Variants in ARL5B observed in about 807,000 individuals in gnomAD.
ARL5B encodes the protein ADP-ribosylation factor-like protein 5B.
A neutral mutation model predicts 26.9 loss-of-function variants in ARL5B; 10 were observed. The observed-to-expected ratio is 0.37, with a 90% CI of 0.23 to 0.63. The LOEUF is 0.63. Among genes scored for constraint, ARL5B ranks in the 30% least tolerant of loss-of-function variants. ARL5B has a pLI of 0.62. For synonymous variants in ARL5B, 87 were observed against 70.4 expected, an observed-to-expected ratio of 1.24 and a Z score of -1.18; for missense variants, 167 against 213.9, an observed-to-expected ratio of 0.78 and a Z score of 1.37.
At chr10:18,664,429 CTTTTTTTTTTTTTT>C (rs140830487) in intron 1 of ARL5B, among the ~76,000 whole-genome samples, 3 of 67,224 alleles carry the variant, frequency 4.5e-5, no homozygotes, top group African/African-American at 5.7e-5. Flanking sequence ...ACAGTAGTGT[CTTTTTTTTTTTTTT>C]TTTTTTTTTT....
intron 3 of ARL5B, 78 bp downstream of exon 3, chr10:18,668,755 C>A: frequency 7.6e-7 from 1 of 1,309,392 alleles, no homozygotes; most frequent in Non-Finnish European, 1.0e-6. Flanking sequence ...TGCACCTGGG[C>A]GTATTGACAG....
intron 4 of ARL5B, 71 bp downstream of exon 4, chr10:18,672,776 A>G: frequency 9.5e-7 from 1 of 1,052,862 alleles, no homozygotes. Flanking sequence ...GCTTTTTTGC[A>G]AAGATTAATG....
rs192745238 is a variant in ARL5B at position 18,664,164 on chromosome 10, G to A, written c.47-2411G>A. Among the ~76,000 whole-genome samples the A allele has an allele frequency of 2.3e-3, 345 of 151,852 alleles. 3 individuals are homozygous for A. The highest frequency in any genetic ancestry group is 7.9e-3 in the African/African-American group (327 of 41,392). On this transcript the variant is annotated intron_variant, in intron 1 of 5. Coordinates refer to ENST00000377275, the MANE Select transcript of ARL5B (RefSeq NM_178815.5). ...AGACGGAGTTTCACCAAATTAGCCAGGTTGGTCTTGAACTCCTGACCTTGT... is the reference window on the plus strand; with the variant it reads ...AGACGGAGTTTCACCAAATTAGCCAAGTTGGTCTTGAACTCCTGACCTTGT...
chr10:18,668,689 T>C lies in ARL5B; in HGVS notation c.255+12T>C. The C allele has an allele frequency of 6.2e-7, 1 of 1,610,448 alleles. No individual in the cohort carries two copies. The highest frequency in any genetic ancestry group is 2.2e-5 in the East Asian group (1 of 44,788). ...ACTCAAATACAGAGGTATGCTAAGA[T>C]GAATTTTGAATTTTAATCCAAAGGT... On this transcript the variant is annotated intron_variant, in intron 3 of 5. Transcript: ENST00000377275.
At chr10:18,675,093 C>A (rs999415538) in intron 5 of ARL5B, 75 bp from the exon 6 acceptor site, 10 of 1,394,948 alleles carry the variant, frequency 7.2e-6, no homozygotes, top group Admixed American at 3.6e-5. Flanking sequence ...TTGGTTAAGA[C>A]CTAAAAATAA....
At chr10:18,675,046 C>T (rs2059904322) in intron 5 of ARL5B, 122 bp from the exon 6 acceptor site, 1 of 717,044 alleles carries the variant, frequency 1.4e-6, no homozygotes, top group Admixed American at 2.7e-5. Context: ...TGAATGTTGA[C>T]ACTGATGTAT....
Position 18,674,122 on chromosome 10 carries a change from C to A in ARL5B, c.478C>A (p.Leu160Ile). Residue 160 changes from leucine (L) to isoleucine (I), a missense_variant, in exon 5 of 6, where the codon CTC becomes ATC. Transcript: ENST00000377275. ...HPWHIQSCCA[L>I]TGEGLCQGLE... ...ATGGCACATTCAATCCTGCTGTGCT[C>A]TCACAGGAGAAGGGTAAGTTCATCC... The A allele has an allele frequency of 6.2e-7, 1 of 1,610,270 alleles. No homozygotes were observed. The highest frequency in any genetic ancestry group is 1.3e-5 in the African/African-American group (1 of 74,744).
chr10:18,678,772 C>T lies in ARL5B; in HGVS notation c.*3556C>T, dbSNP rs1397568787. 1.3e-5 allele frequency: 2 copies of T among 151,646 alleles called. No homozygotes were observed. Among genetic ancestry groups the T allele is most frequent in the Non-Finnish European group, 3.0e-5 (2 of 67,726 alleles). The allele number at this position is 151,646 out of a possible 1,614,324, so 9.4% of individuals were successfully genotyped here. ...GCCGGGGTAAAGTGACTTCAAGATA[C>T]AGCATGGTGTCTTGTATCTAGTAGA... On this transcript the variant is annotated 3_prime_UTR_variant, in exon 6 of 6. Coordinates refer to ENST00000377275, the MANE Select transcript of ARL5B (RefSeq NM_178815.5).
At chr10:18,670,069 A>T (rs1415391833) in intron 3 of ARL5B, among the ~76,000 whole-genome samples, 2 of 152,026 alleles carry the variant, frequency 1.3e-5, no homozygotes, top group Non-Finnish European at 2.9e-5. Context: ...ATTTTTGGTG[A>T]ACAAAGTTGC....
At position 18,672,676 on chromosome 10, in the gene ARL5B, G is replaced by A. The variant is rs1418471610; in HGVS notation, c.310G>A (p.Glu104Lys). The A allele has an allele frequency of 6.2e-7, 1 of 1,609,984 alleles. No individual in the cohort carries two copies. Among genetic ancestry groups the A allele is most frequent in the Non-Finnish European group, 8.5e-7 (1 of 1,177,926 alleles). The change falls in exon 4 of 6, where the codon GAA becomes AAA. Residue 104 changes from glutamate (E) to lysine (K), a missense_variant. Transcript: ENST00000377275. Reference sequence around the variant, plus strand: ...CAGGGAACGACTAGCTATTACAAAAGAAGAATTATACAGAATGTTGGCTCA... The same window carrying A: ...CAGGGAACGACTAGCTATTACAAAAAAAGAATTATACAGAATGTTGGCTCA... Reference protein sequence around the residue: ...IDRERLAITKEELYRMLAHED... With the variant: ...IDRERLAITKKELYRMLAHED...
chr10:18,664,747 T>G (rs2059853538), intron 1 of ARL5B, among the ~76,000 whole-genome samples: 1 of 152,174 alleles, frequency 6.6e-6, no homozygotes, highest in Non-Finnish European at 1.5e-5. Context: ...CTAACAGTAG[T>G]GTCTTAACCT....
Position 18,659,634 on chromosome 10 carries a change from C to T in ARL5B, c.-4C>T. The T allele has an allele frequency of 2.5e-6, 4 of 1,609,476 alleles. No individual in the cohort carries two copies. Among genetic ancestry groups the T allele is most frequent in the South Asian group, 2.2e-5 (2 of 90,688 alleles). On this transcript the variant is annotated 5_prime_UTR_variant, in exon 1 of 6. Transcript: ENST00000377275. Reference sequence around the variant, plus strand: ...GGACCCCGCGGCCCGCCCCGGTGCTCGTGATGGGGCTGATCTTCGCCAAAC... The same window carrying T: ...GGACCCCGCGGCCCGCCCCGGTGCTTGTGATGGGGCTGATCTTCGCCAAAC...
At chr10:18,673,399 A>G (rs2059896676) in intron 4 of ARL5B, among the ~76,000 whole-genome samples, 1 of 152,120 alleles carries the variant, frequency 6.6e-6, no homozygotes, top group African/African-American at 2.4e-5. Context: ...TATAATATAT[A>G]TCTTTCTGAA....
At chr10:18,667,753 C>A (rs770470413) in intron 2 of ARL5B, among the ~76,000 whole-genome samples, 2 of 151,838 alleles carry the variant, frequency 1.3e-5, no homozygotes, top group African/African-American at 2.4e-5. Flanking sequence ...ATATTTGAGA[C>A]AGAGTTTTGC....
rs2059816018 is a variant in ARL5B, at chr10:18,659,507, G to C, written c.-131G>C. ...TGAGTGGTCGGGTCGAGGCTTCTCGGCCTAGCAGTGCCCTCGCTGCGCGAT... is the reference window on the plus strand; with the variant it reads ...TGAGTGGTCGGGTCGAGGCTTCTCGCCCTAGCAGTGCCCTCGCTGCGCGAT... On this transcript the variant is annotated 5_prime_UTR_variant, in exon 1 of 6. Coordinates refer to ENST00000377275, the MANE Select transcript of ARL5B (RefSeq NM_178815.5). 1 of 1,206,880 alleles carries C rather than the reference G, an allele frequency of 8.3e-7. No homozygotes were observed. The allele number at this position is 1,206,880 out of a possible 1,614,324, so 74.8% of individuals were successfully genotyped here.
intron 2 of ARL5B, among the ~76,000 whole-genome samples, chr10:18,667,680 G>A (rs558415461): frequency 6.6e-6 from 1 of 151,956 alleles, no homozygotes; most frequent in African/African-American, 2.4e-5. Flanking sequence ...CGAGGGGTAT[G>A]AGCATCAGTA....
At chr10:18,662,871 T>A (rs1344849053) in intron 1 of ARL5B, among the ~76,000 whole-genome samples, 1 of 151,548 alleles carries the variant, frequency 6.6e-6, no homozygotes, top group Non-Finnish European at 1.5e-5. Flanking sequence ...TCCGGCTAAT[T>A]TTTGTATTTT....
At chr10:18,674,457 A>G (rs1349547794) in intron 5 of ARL5B, among the ~76,000 whole-genome samples, 1 of 152,190 alleles carries the variant, frequency 6.6e-6, no homozygotes, top group Non-Finnish European at 1.5e-5. Flanking sequence ...TTCTTTTAAA[A>G]AGGAAGCTTG....
At chr10:18,675,091 G>C (rs45589933) in intron 5 of ARL5B, 77 bp from the exon 6 acceptor site, 12 of 1,344,638 alleles carry the variant, frequency 8.9e-6, no homozygotes, top group South Asian at 1.2e-5. Context: ...CTTTGGTTAA[G>C]ACCTAAAAAT....
Sources: gnomAD v4.1 joint callset for allele counts (sites outside exome capture counted in the v4.1 genomes callset) on GRCh38, gnomAD v4.1.1 for gene constraint, MANE v1.5 for transcripts, NCBI Gene and HGNC (gene_info 2026-07-23, HGNC 2026-07-21) for gene names.